IMMP2L: variants seen among roughly 807,000 people sequenced by gnomAD.
IMMP2L encodes inner mitochondrial membrane peptidase subunit 2.
A neutral mutation model predicts 19.3 loss-of-function variants in IMMP2L; 18 were observed. That is an observed-to-expected ratio of 0.93 (90% CI 0.64 to 1.38). The LOEUF (loss-of-function observed/expected upper bound fraction) is 1.38. Among genes scored for constraint, IMMP2L ranks in the 40% most tolerant of loss-of-function variants. The pLI, the probability that IMMP2L is intolerant of heterozygous loss-of-function variation, is 0.00. For synonymous variants in IMMP2L, 76 were observed against 73.0 expected (o/e 1.04, Z -0.21); for missense variants, 233 against 218.2 (o/e 1.07, Z -0.43).
chr7:110,800,126 T>A (rs1010951274), intron 5 of IMMP2L, among the ~76,000 whole-genome samples: 9 of 152,262 alleles, frequency 5.9e-5, no homozygotes, highest in Middle Eastern at 3.4e-3. Flanking sequence ...ATAGCTTTTT[T>A]AATCTTTTTC....
intron 5 of IMMP2L, among the ~76,000 whole-genome samples, chr7:110,862,971 C>T (rs1303760191): frequency 6.6e-6 from 1 of 152,052 alleles, no homozygotes; most frequent in East Asian, 1.9e-4. Flanking sequence ...AACGCCTGGC[C>T]CTCCACACAT....
intron 3 of IMMP2L, among the ~76,000 whole-genome samples, chr7:111,182,179 T>TC (rs1171971530): frequency 6.6e-6 from 1 of 152,000 alleles, no homozygotes; most frequent in Non-Finnish European, 1.5e-5. Flanking sequence ...TATCTAACTG[T>TC]CCATCACTTT....
intron 3 of IMMP2L, among the ~76,000 whole-genome samples, chr7:111,201,054 T>A (rs1331911504): frequency 6.6e-6 from 1 of 152,164 alleles, no homozygotes; most frequent in Non-Finnish European, 1.5e-5. Context: ...ACTCATACAA[T>A]CCTGATTCCC....
chr7:111,153,973 G>T (rs1804356421), intron 3 of IMMP2L, among the ~76,000 whole-genome samples: 1 of 152,020 alleles, frequency 6.6e-6, no homozygotes. Flanking sequence ...AAACTGCACT[G>T]CTGAGAGTCT....
chr7:111,502,564 G>C (rs1290241711), intron 2 of IMMP2L, among the ~76,000 whole-genome samples: 1 of 151,964 alleles, frequency 6.6e-6, no homozygotes, highest in African/African-American at 2.4e-5. Flanking sequence ...TGACCACATA[G>C]TTGGAAGTAA....
chr7:111,107,668 A>C (rs1798699183), intron 3 of IMMP2L, among the ~76,000 whole-genome samples: 1 of 152,154 alleles, frequency 6.6e-6, no homozygotes, highest in African/African-American at 2.4e-5. Flanking sequence ...TATGAAATAC[A>C]ATAGATGCGT....
intron 3 of IMMP2L, among the ~76,000 whole-genome samples, chr7:111,292,132 C>T (rs1821178693): frequency 6.6e-6 from 1 of 152,144 alleles, no homozygotes; most frequent in African/African-American, 2.4e-5. Context: ...TCCTGGGAAC[C>T]ACTCATGGCC....
intron 3 of IMMP2L, among the ~76,000 whole-genome samples, chr7:111,481,214 T>TA (rs777400274): frequency 2.5e-4 from 38 of 152,272 alleles, no homozygotes; most frequent in Middle Eastern, 3.4e-3. Context: ...GGAACCACTG[T>TA]ATCAGAAATT....
At position 111,258,865 on chromosome 7, in the gene IMMP2L, A is replaced by G. The variant is rs113321187; in HGVS notation, c.239+228373T>C. On this transcript the variant is annotated intron_variant, in intron 3 of 5. Coordinates refer to ENST00000405709, the MANE Select transcript of IMMP2L (RefSeq NM_032549.4). ...CTACACTTTTCAGTACTTATACTTA[A>G]GTACTGAATGACCACTAAATGAGGA... Among the ~76,000 whole-genome samples the G allele has an allele frequency of 3.5e-3, 539 of 152,250 alleles. 3 individuals are homozygous for G. The highest frequency in any genetic ancestry group is 0.012 in the African/African-American group (509 of 41,550).
chr7:110,907,415 T>C (rs1812581073), intron 4 of IMMP2L, among the ~76,000 whole-genome samples: 2 of 152,182 alleles, frequency 1.3e-5, no homozygotes, highest in East Asian at 3.9e-4. Context: ...GTTGCTTCTC[T>C]TCAATGGTCA....
At chr7:111,182,898 C>T (rs1807863893) in intron 3 of IMMP2L, among the ~76,000 whole-genome samples, 1 of 152,018 alleles carries the variant, frequency 6.6e-6, no homozygotes, top group African/African-American at 2.4e-5. Flanking sequence ...CTAATCAAAT[C>T]AACCCTTAAT....
intron 3 of IMMP2L, among the ~76,000 whole-genome samples, chr7:111,076,993 A>C (rs1450986023): frequency 6.6e-6 from 1 of 152,176 alleles, no homozygotes; most frequent in East Asian, 1.9e-4. Flanking sequence ...ACTAGGGAAA[A>C]ATTGCATGAG....
At chr7:111,540,737 G>C (rs1448124660) in intron 1 of IMMP2L, among the ~76,000 whole-genome samples, 1 of 152,078 alleles carries the variant, frequency 6.6e-6, no homozygotes, top group Non-Finnish European at 1.5e-5. Context: ...TTAGAATTTT[G>C]CTAAGCATTT....
At chr7:111,215,898 A>C (rs760507787) in intron 3 of IMMP2L, among the ~76,000 whole-genome samples, 7 of 151,990 alleles carry the variant, frequency 4.6e-5, no homozygotes, top group Non-Finnish European at 8.8e-5. Context: ...TAATCTTCAC[A>C]TTCCCTCTCA....
intron 3 of IMMP2L, among the ~76,000 whole-genome samples, chr7:111,141,221 C>T (rs1018095681): frequency 4.6e-5 from 7 of 151,884 alleles, no homozygotes; most frequent in Admixed American, 1.3e-4. Context: ...ACTTATAATA[C>T]TAATGTTTAC....
intron 3 of IMMP2L, among the ~76,000 whole-genome samples, chr7:111,038,003 C>T (rs1791515798): frequency 6.6e-6 from 1 of 152,086 alleles, no homozygotes; most frequent in African/African-American, 2.4e-5. Context: ...AAAACTCTGT[C>T]CCATAGGCCA....
intron 3 of IMMP2L, among the ~76,000 whole-genome samples, chr7:111,419,737 C>G (rs1158736395): frequency 1.3e-5 from 2 of 151,462 alleles, no homozygotes; most frequent in African/African-American, 4.9e-5. Context: ...TCAGGACCAC[C>G]GGAGACCTTG....
intron 3 of IMMP2L, among the ~76,000 whole-genome samples, chr7:111,179,305 T>G (rs1248471322): frequency 6.6e-6 from 1 of 151,990 alleles, no homozygotes; most frequent in African/African-American, 2.4e-5. Flanking sequence ...ACAGGCTGCA[T>G]GCAGCCCAGG....
At chr7:110,994,755 T>C (rs2129560177) in intron 3 of IMMP2L, among the ~76,000 whole-genome samples, 1 of 152,236 alleles carries the variant, frequency 6.6e-6, no homozygotes, top group African/African-American at 2.4e-5. Flanking sequence ...ACCATCTAAA[T>C]AATAGAGAGG....
Sources: allele counts gnomAD v4.1 joint callset (sites outside exome capture counted in the v4.1 genomes callset), GRCh38; gene constraint gnomAD v4.1.1; transcripts MANE v1.5; gene names NCBI Gene and HGNC (gene_info 2026-07-23, HGNC 2026-07-21).